The following COL1A1 variants were observed in gnomAD, a reference collection of about 807,000 sequenced individuals.
The protein encoded by COL1A1 is collagen alpha-1(I) chain.
Under a neutral mutation model 195.7 loss-of-function variants are expected in COL1A1, and 21 were observed. The ratio of observed to expected loss-of-function variants is 0.11; its 90% CI spans 0.08 to 0.15. The LOEUF (loss-of-function observed/expected upper bound fraction) is 0.15. COL1A1 is among the 10% of genes least tolerant of loss of function. COL1A1 has a pLI of 1.00. For missense variants in COL1A1, 1,365 were observed against 2,051.0 expected (o/e 0.67, Z 6.46); for synonymous variants, 749 against 747.3 (o/e 1.00, Z -0.04).
chr17:50,195,416 G>T lies in COL1A1; in HGVS notation c.1200+18C>A, dbSNP rs770748533. 12 of 1,613,994 alleles carry T rather than the reference G, an allele frequency of 7.4e-6. No individual in the cohort carries two copies. Among genetic ancestry groups the T allele is most frequent in the Non-Finnish European group, 1.0e-5 (12 of 1,179,982 alleles). On this transcript the variant is annotated intron_variant, in intron 18 of 50. Coordinates refer to ENST00000225964, the MANE Select transcript of COL1A1 (RefSeq NM_000088.4). This position sits in a 1 kb window ranked among gnomAD's most constrained non-coding sequence, Gnocchi z 4.3. Reference sequence around the variant, plus strand: ...TGCAGGCGGCAGGAGTGGGACTGAAGCCTGGCAGGATACTTACATTGGCAC... The same window carrying T: ...TGCAGGCGGCAGGAGTGGGACTGAATCCTGGCAGGATACTTACATTGGCAC...
chr17:50,201,368 G>GC (rs1470854996), intron 1 of COL1A1, 43 bp downstream of exon 1: 1 of 1,581,140 alleles, frequency 6.3e-7, no homozygotes, highest in Non-Finnish European at 8.7e-7. Flanking sequence ...AGCGCAAGGC[G>GC]CGATATAGAG....
intron 1 of COL1A1, among the ~76,000 whole-genome samples, chr17:50,201,067 T>C (rs918024692): frequency 1.3e-5 from 2 of 152,234 alleles, no homozygotes; most frequent in Non-Finnish European, 2.9e-5. Flanking sequence ...CTTCTACATC[T>C]TGGGCTTCAA....
At position 50,199,860 on chromosome 17, in the gene COL1A1, T is replaced by A. The variant is rs1370920704; in HGVS notation, c.191A>T (p.Asp64Val). Reference protein sequence around the residue: ...KPEPCRICVCDNGKVLCDDVI... With the variant: ...KPEPCRICVCVNGKVLCDDVI... Reference sequence around the variant, plus strand: ...GTCATCGCACAACACCTTGCCGTTGTCGCAGACGCAGATCCGGCAGGGCTC... The same window carrying A: ...GTCATCGCACAACACCTTGCCGTTGACGCAGACGCAGATCCGGCAGGGCTC... The change falls in exon 2 of 51, where the codon GAC (aspartate) becomes GTC (valine). Residue 64 changes from aspartate to valine, a missense_variant. By Grantham distance (152) the Asp-to-Val change is radical. Transcript: ENST00000225964. 1.2e-6 allele frequency: 2 copies of A among 1,614,028 alleles called. No homozygotes were observed. The highest frequency in any genetic ancestry group is 1.7e-6 in the Non-Finnish European group (2 of 1,180,024).
At chr17:50,193,098 C>G (rs1402703336) in intron 25 of COL1A1, 51 bp from the exon 26 acceptor site, 1 of 1,559,906 alleles carries the variant, frequency 6.4e-7, no homozygotes, top group Non-Finnish European at 8.8e-7. Flanking sequence ...GAAGCCAGGG[C>G]CTCCTGGGGC....
At position 50,187,900 on chromosome 17, in the gene COL1A1, G is replaced by T; in HGVS notation, c.3345C>A (p.Gly1115=). ...CAGGAGGGCCAGGGGGACCCTGGAG[G>T]CCAGAGAAGCCACGGTGACCCTTTA... ...RGIKGHRGFS[G]LQGPPGPPGS... is the part of the protein sequence containing the mutation. Residue 1115 remains glycine (G), a synonymous_variant, in exon 45 of 51, where the codon GGC becomes GGA. Coordinates refer to ENST00000225964, the MANE Select transcript of COL1A1 (RefSeq NM_000088.4). 1 of 1,609,004 alleles carries T rather than the reference G, an allele frequency of 6.2e-7. No individual in the cohort carries two copies. The highest frequency in any genetic ancestry group is 8.5e-7 in the Non-Finnish European group (1 of 1,177,034).
rs754753032 is a variant in COL1A1, at chr17:50,186,405, C to T, written c.3917G>A (p.Ser1306Asn). Reference protein sequence around the residue: ...GETCVYPTQPSVAQKNWYISK... With the variant: ...GETCVYPTQPNVAQKNWYISK... The stretch of plus-strand genomic sequence containing the variant: ...GATGTACCAGTTCTTCTGGGCCACA[C>T]TGGGCTGAGTGGGGTACACGCAGGT... The change falls in exon 49 of 51, where the codon AGT becomes AAT. Residue 1306 changes from serine to asparagine, a missense_variant. By Grantham distance (46) the Ser-to-Asn change is conservative (BLOSUM62 1). This residue lies in a region of COL1A1 where 273 missense variants were observed against 338.6 expected (regional missense o/e 0.81). Transcript: ENST00000225964. This position sits in a 1 kb window ranked among gnomAD's most constrained non-coding sequence, Gnocchi z 5.3. 5 of 1,614,084 alleles carry T rather than the reference C, an allele frequency of 3.1e-6. No individual in the cohort carries two copies. Among genetic ancestry groups the T allele is most frequent in the African/African-American group, 2.7e-5 (2 of 74,918 alleles).
At chr17:50,198,895 G>A (rs544574036) in intron 5 of COL1A1, among the ~76,000 whole-genome samples, 3 of 152,256 alleles carry the variant, frequency 2.0e-5, no homozygotes, top group East Asian at 3.9e-4. Flanking sequence ...CTTTGAATAC[G>A]GACTGCACAT....
intron 1 of COL1A1, among the ~76,000 whole-genome samples, chr17:50,200,351 G>C (rs1191042113): frequency 6.6e-6 from 1 of 152,178 alleles, no homozygotes; most frequent in Non-Finnish European, 1.5e-5. Flanking sequence ...AGGAGGGCGA[G>C]GGAGGAGAGA....
At chr17:50,196,038 G>A (rs1303900970) in intron 15 of COL1A1, 62 bp from the exon 16 acceptor site, 2 of 1,602,062 alleles carry the variant, frequency 1.2e-6, no homozygotes, top group African/African-American at 1.3e-5. Flanking sequence ...TCACACCCTG[G>A]GACAGAGGAA....
At chr17:50,200,061 C>G (rs759470340) in intron 1 of COL1A1, 114 bp from the exon 2 acceptor site, 2 of 1,163,464 alleles carry the variant, frequency 1.7e-6, no homozygotes, top group Admixed American at 1.7e-5. Flanking sequence ...CCCCTCCCCC[C>G]GTTCTTCTTT....
At chr17:50,199,633 T>C (rs775633992) in intron 2 of COL1A1, 43 bp from the exon 3 acceptor site, 1 of 1,613,670 alleles carries the variant, frequency 6.2e-7, no homozygotes. Context: ...GGTTTGCTAA[T>C]GCTGCTCCCG....
Position 50,187,477 on chromosome 17 carries a change from G to T in COL1A1, c.3423+7C>A. ...CTCAGGAAGAGGAGAGAGAAGGCAT[G>T]ACTTACTCGGGGACCAGCAGGACCA... is the stretch of plus-strand genomic sequence containing the variant. On this transcript the variant is annotated splice_region_variant and intron_variant, in intron 46 of 50. Coordinates refer to ENST00000225964, the MANE Select transcript of COL1A1 (RefSeq NM_000088.4). 6.2e-7 allele frequency: 1 copy of T among 1,613,970 alleles called. No homozygotes were observed. Among genetic ancestry groups the T allele is most frequent in the South Asian group, 1.1e-5 (1 of 91,038 alleles).
At position 50,187,034 on chromosome 17, in the gene COL1A1, G is replaced by C. The variant is rs1567753269; in HGVS notation, c.3512C>G (p.Thr1171Ser). The C allele has an allele frequency of 6.2e-7, 1 of 1,613,612 alleles. No homozygotes were observed. Among genetic ancestry groups the C allele is most frequent in the Non-Finnish European group, 8.5e-7 (1 of 1,179,862 alleles). Residue 1171 changes from threonine (T) to serine (S), a missense_variant, in exon 47 of 51, where the codon ACT becomes AGT. Thr to Ser is a moderately conservative substitution (Grantham distance 58). Transcript: ENST00000225964. Reference sequence around the variant, plus strand: ...ACATACAACAGGACCAGCATCACCAGTGCGACCGCGAGGACCAGGGGGCCC... The same window carrying C: ...ACATACAACAGGACCAGCATCACCACTGCGACCGCGAGGACCAGGGGGCCC... Reference protein sequence around the residue: ...PIGPPGPRGRTGDAGPVGPPG... With the variant: ...PIGPPGPRGRSGDAGPVGPPG...
At position 50,188,675 on chromosome 17, in the gene COL1A1, G is replaced by T; in HGVS notation, c.3100-38C>A. On this transcript the variant is annotated intron_variant, in intron 42 of 50. Coordinates refer to ENST00000225964, the MANE Select transcript of COL1A1 (RefSeq NM_000088.4). This position sits in a 1 kb window ranked among gnomAD's most constrained non-coding sequence, Gnocchi z 5.6. ...GCAGGGGAATATGGGTCAGCCCCGGGTGAAGGGCCAGGATGGGGCAGGGAA... is the reference window on the plus strand; with the variant it reads ...GCAGGGGAATATGGGTCAGCCCCGGTTGAAGGGCCAGGATGGGGCAGGGAA... 1 of 1,613,234 alleles carries T rather than the reference G, an allele frequency of 6.2e-7. No individual in the cohort carries two copies. The highest frequency in any genetic ancestry group is 8.5e-7 in the Non-Finnish European group (1 of 1,179,254).
chr17:50,187,882 G>A lies in COL1A1; in HGVS notation c.3363C>T (p.Gly1121=). Residue 1121 remains glycine (G), a synonymous_variant, in exon 45 of 51, where the codon GGC becomes GGT. Transcript: ENST00000225964. ...RGFSGLQGPP[G]PPGSPGEQGP... ...AGGGGCTGAGCATACTTACAGGAGGGCCAGGGGGACCCTGGAGGCCAGAGA... is the reference window on the plus strand; with the variant it reads ...AGGGGCTGAGCATACTTACAGGAGGACCAGGGGGACCCTGGAGGCCAGAGA... 6.2e-7 allele frequency: 1 copy of A among 1,601,366 alleles called. No individual in the cohort carries two copies.
chr17:50,187,134 G>T lies in COL1A1; in HGVS notation c.3424-12C>A, dbSNP rs752291095. 6 of 1,587,630 alleles carry T rather than the reference G, an allele frequency of 3.8e-6. No homozygotes were observed. Among genetic ancestry groups the T allele is most frequent in the Non-Finnish European group, 5.2e-6 (6 of 1,164,686 alleles). ...GAGCCAGGGGGACCCTGGAGTGGGGGAAATGGTTTGAGAAAGGCTGCCAGA... is the reference window on the plus strand; with the variant it reads ...GAGCCAGGGGGACCCTGGAGTGGGGTAAATGGTTTGAGAAAGGCTGCCAGA... On this transcript the variant is annotated splice_polypyrimidine_tract_variant and intron_variant, in intron 46 of 50. Transcript: ENST00000225964.
In COL1A1 at chr17:50,195,876, C is replaced by G. The variant is rs201627277; in HGVS notation, c.1056+47G>C. 462 of 1,553,558 alleles carry G rather than the reference C, an allele frequency of 3.0e-4. No homozygotes were observed. The highest frequency in any genetic ancestry group is 2.5e-3 in the Middle Eastern group (15 of 5,944). On this transcript the variant is annotated intron_variant, in intron 16 of 50. Transcript: ENST00000225964. The surrounding 1 kb of genome is among the most constrained non-coding windows in gnomAD (Gnocchi z 4.3). ...GTTTGGGGAACAGGGAGACATGAAC[C>G]CCTTGGCCCATGAGGGTCATGCTTA...
intron 5 of COL1A1, 109 bp from the exon 6 acceptor site, chr17:50,198,613 G>A (rs2144589482): frequency 1.2e-6 from 1 of 856,230 alleles, no homozygotes; most frequent in South Asian, 1.4e-5. Flanking sequence ...GATGTGCTGA[G>A]AAGAATAACA....
Position 50,190,627 on chromosome 17 carries a change from A to T in COL1A1, c.2344-31T>A, listed in dbSNP as rs369247111. 1.2e-3 allele frequency: 1,955 copies of T among 1,610,254 alleles called. 5 individuals are homozygous for T. The highest frequency in any genetic ancestry group is 1.5e-3 in the Non-Finnish European group (1,817 of 1,177,342). On this transcript the variant is annotated intron_variant, in intron 33 of 50. Transcript: ENST00000225964. This position sits in a 1 kb window ranked among gnomAD's most constrained non-coding sequence, Gnocchi z 4.7. ...AGCAAGGGACAAGAGGCTCAGGGTC[A>T]GGGCCTCCCCTGAATACTCCTAGTA...
Sources: allele counts gnomAD v4.1 joint callset (sites outside exome capture counted in the v4.1 genomes callset), GRCh38; gene constraint gnomAD v4.1.1; regional missense constraint gnomAD v4.1.1; non-coding constraint Gnocchi (gnomAD v3.1); transcripts MANE v1.5; gene names NCBI Gene and HGNC (gene_info 2026-07-23, HGNC 2026-07-21).